The following TTC34 variants were observed in gnomAD, a reference collection of about 807,000 sequenced individuals.
TTC34 encodes tetratricopeptide repeat protein 34.
A neutral mutation model predicts 40.7 loss-of-function variants in TTC34; 44 were observed. The ratio of observed to expected loss-of-function variants is 1.08; its 90% CI spans 0.85 to 1.39. The LOEUF (loss-of-function observed/expected upper bound fraction) is 1.39, where lower values mean the gene tolerates loss of function less well. Among genes scored for constraint, TTC34 ranks in the 40% most tolerant of loss-of-function variants. The pLI, the probability that TTC34 is intolerant of heterozygous loss-of-function variation, is 0.00. For synonymous variants in TTC34, 422 were observed against 398.6 expected (o/e 1.06, Z -0.70); for missense variants, 884 against 838.0 (o/e 1.05, Z -0.68).
intron 2 of TTC34, among the ~76,000 whole-genome samples, chr1:2,792,354 G>A (rs540095115): frequency 4.6e-5 from 7 of 152,110 alleles, no homozygotes; most frequent in Admixed American, 1.3e-4. Flanking sequence ...CAGTTCAATC[G>A]TTAGGTCCAC....
At chr1:2,692,303 A>C in intron 6 of TTC34, among the ~76,000 whole-genome samples, 2 of 54,722 alleles carry the variant, frequency 3.7e-5, no homozygotes, top group Admixed American at 1.9e-4. Context: ...CAGCAGGCAC[A>C]CCCCCAGTGA....
At chr1:2,784,099 A>G (rs111616181) in intron 5 of TTC34, among the ~76,000 whole-genome samples, 9 of 152,034 alleles carry the variant, frequency 5.9e-5, no homozygotes, top group African/African-American at 2.2e-4. Context: ...AGTGGCCCCG[A>G]ACGGCTGAGC....
intron 6 of TTC34, among the ~76,000 whole-genome samples, chr1:2,685,202 CA>C (rs1640274332): frequency 9.4e-6 from 1 of 106,572 alleles, no homozygotes; most frequent in Non-Finnish European, 2.0e-5. Flanking sequence ...CCCACACCCC[CA>C]GGTGAGCATC....
At chr1:2,683,496 TGGAACGGCACCCACACCACC>T in intron 6 of TTC34, among the ~76,000 whole-genome samples, 1 of 144,804 alleles carries the variant, frequency 6.9e-6, no homozygotes, top group East Asian at 2.0e-4. Flanking sequence ...TCTGACAGCC[TGGAACGGCACCCACACCACC>T]AGGTGAGCAT....
intron 6 of TTC34, among the ~76,000 whole-genome samples, chr1:2,691,832 G>T (rs1327025232): frequency 9.4e-5 from 7 of 74,088 alleles, no homozygotes; most frequent in South Asian, 4.8e-4. Flanking sequence ...ACCCCCAGGT[G>T]TGCATGTGAT....
At chr1:2,771,636 G>A (rs1642172206) in intron 6 of TTC34, among the ~76,000 whole-genome samples, 1 of 47,762 alleles carries the variant, frequency 2.1e-5, no homozygotes, top group African/African-American at 1.4e-4. Flanking sequence ...CTGGAGCAGT[G>A]CCCACACCCC....
intron 6 of TTC34, among the ~76,000 whole-genome samples, chr1:2,646,115 C>T (rs1464155175): frequency 6.6e-6 from 1 of 152,194 alleles, no homozygotes; most frequent in Non-Finnish European, 1.5e-5. Flanking sequence ...ATCTGGTGCA[C>T]AATACCGCGC....
exon 8 of TTC34, chr1:2,644,459 G>A: frequency 6.5e-7 from 1 of 1,533,758 alleles, no homozygotes; most frequent in Non-Finnish European, 8.7e-7. Context: ...CCAGGTGGGT[G>A]CCAGCTTCCT....
At chr1:2,789,404 C>T (rs1643633979) in intron 3 of TTC34, 99 bp downstream of exon 3, 28 of 1,211,064 alleles carry the variant, frequency 2.3e-5, no homozygotes, top group East Asian at 9.3e-5. Context: ...CCACTGCCTC[C>T]GTTCATTCCT....
At chr1:2,753,333 C>T (rs1313814445) in intron 6 of TTC34, among the ~76,000 whole-genome samples, 57 of 100,730 alleles carry the variant, frequency 5.7e-4, no homozygotes, top group African/African-American at 9.9e-4. Flanking sequence ...GCATCACCCA[C>T]ACCCCCAGAC....
At chr1:2,780,789 T>C (rs1435058120) in intron 6 of TTC34, among the ~76,000 whole-genome samples, 2 of 152,204 alleles carry the variant, frequency 1.3e-5, no homozygotes, top group Non-Finnish European at 2.9e-5. Flanking sequence ...TCTACTTCTG[T>C]AAAAAACATT....
chr1:2,699,578 A>G (rs1641034385), intron 6 of TTC34, among the ~76,000 whole-genome samples: 1 of 139,272 alleles, frequency 7.2e-6, no homozygotes. Flanking sequence ...CCACACCCCC[A>G]GGTGAGCATC....
intron 6 of TTC34, among the ~76,000 whole-genome samples, chr1:2,653,686 A>C (rs57786292): frequency 1.6e-4 from 24 of 151,968 alleles, no homozygotes; most frequent in Admixed American, 1.6e-3. Context: ...AACAGCACCC[A>C]CACCCCCAGG....
At position 2,686,219 on chromosome 1, in the gene TTC34, C is replaced by G. The variant is rs572377300; in HGVS notation, c.2227-40656G>C. ...CCCACACCCCCAGGCGAGCATCTGA[C>G]AGCCTGGAGCAGTGCCCACACCCCC... is the stretch of plus-strand genomic sequence containing the variant. On this transcript the variant is annotated intron_variant, in intron 6 of 8. Transcript: ENST00000401095. Among the ~76,000 whole-genome samples the G allele has an allele frequency of 1.2e-3, 180 of 145,564 alleles. 3 individuals carry two copies. Among genetic ancestry groups the G allele is most frequent in the African/African-American group, 4.7e-3 (175 of 37,344 alleles).
chr1:2,683,421 A>AG (rs1557606568), intron 6 of TTC34, among the ~76,000 whole-genome samples: 2 of 112,226 alleles, frequency 1.8e-5, no homozygotes, highest in African/African-American at 3.8e-5. Flanking sequence ...AGCCTGGAAC[A>AG]CCACCCTTCA....
chr1:2,683,219 C>G (rs1216075051), intron 6 of TTC34, among the ~76,000 whole-genome samples: 1 of 143,674 alleles, frequency 7.0e-6, no homozygotes, highest in Non-Finnish European at 1.5e-5. Context: ...GAGCCTGGGT[C>G]GGCACCCACA....
In TTC34 at chr1:2,687,366, C is replaced by T. The variant is rs1168206946; in HGVS notation, c.2227-41803G>A. 2.7e-5 allele frequency among the ~76,000 whole-genome samples: 4 copies of T among 150,658 alleles called. No individual in the cohort carries two copies. The East Asian group carries it at 7.7e-4, about 29-fold the overall frequency. On this transcript the variant is annotated intron_variant, in intron 6 of 8. Coordinates refer to ENST00000401095, the Ensembl canonical transcript of TTC34. The stretch of plus-strand genomic sequence containing the variant: ...CGACAGCCTGGAGCAGCACCCCCAC[C>T]CCCAGGCGAGCATCTGACAGCCTGG...
chr1:2,749,453 A>C (rs1641245953), intron 6 of TTC34, among the ~76,000 whole-genome samples: 14 of 106,486 alleles, frequency 1.3e-4, no homozygotes, highest in Admixed American at 2.8e-4. Flanking sequence ...CCCCCAGGTG[A>C]GCATCTGACG....
chr1:2,789,406 T>C, intron 3 of TTC34, 97 bp downstream of exon 3: 1 of 1,253,258 alleles, frequency 8.0e-7, no homozygotes, highest in East Asian at 3.1e-5. Flanking sequence ...ACTGCCTCCG[T>C]TCATTCCTTT....
Sources: gnomAD v4.1 joint callset for allele counts (sites outside exome capture counted in the v4.1 genomes callset) on GRCh38, gnomAD v4.1.1 for gene constraint, MANE v1.5 for transcripts, NCBI Gene and HGNC (gene_info 2026-07-23, HGNC 2026-07-21) for gene names.